Variants in ACSL3 observed in about 807,000 individuals in gnomAD.
ACSL3 encodes acyl-CoA synthetase long chain family member 3.
Under a neutral mutation model 84.7 loss-of-function variants are expected in ACSL3, and 34 were observed. The observed-to-expected ratio is 0.40, with a 90% CI of 0.31 to 0.53. The LOEUF (loss-of-function observed/expected upper bound fraction) is 0.53. ACSL3 is among the 20% of genes least tolerant of loss of function. ACSL3 has a pLI of 0.48. For synonymous variants in ACSL3, 315 were observed against 299.4 expected, an observed-to-expected ratio of 1.05 and a Z score of -0.54; for missense variants, 680 against 873.1, an observed-to-expected ratio of 0.78 and a Z score of 2.79.
intron 1 of ACSL3, among the ~76,000 whole-genome samples, chr2:222,863,753 C>T (rs1016904176): frequency 2.0e-5 from 3 of 151,984 alleles, no homozygotes; most frequent in African/African-American, 7.3e-5. Context: ...TTTTTGATGG[C>T]TGGATTGGGA....
intron 13 of ACSL3, 92 bp downstream of exon 13, chr2:222,929,028 C>A: frequency 1.0e-6 from 1 of 971,198 alleles, no homozygotes; most frequent in Non-Finnish European, 1.6e-6. Flanking sequence ...ATGTAAACAC[C>A]CATAAGTGCT....
At chr2:222,907,885 A>C (rs774253087) in intron 3 of ACSL3, among the ~76,000 whole-genome samples, 14 of 152,018 alleles carry the variant, frequency 9.2e-5, no homozygotes, top group Non-Finnish European at 1.9e-4. Flanking sequence ...CTCTGTTCAG[A>C]TATCACTTAG....
chr2:222,921,138 T>A (rs1272176759), intron 7 of ACSL3, 142 bp from the exon 8 acceptor site: 1 of 898,822 alleles, frequency 1.1e-6, no homozygotes, highest in Non-Finnish European at 1.8e-6. Context: ...GTTTTGTTGA[T>A]CTCAGTATAA....
chr2:222,915,257 G>A (rs1696547183), intron 4 of ACSL3, among the ~76,000 whole-genome samples: 1 of 150,440 alleles, frequency 6.6e-6, no homozygotes, highest in Non-Finnish European at 1.5e-5. Context: ...TTTGGGACCA[G>A]TAAAGTAAAT....
chr2:222,933,367 A>G, intron 15 of ACSL3, 87 bp downstream of exon 15: 1 of 916,350 alleles, frequency 1.1e-6, no homozygotes, highest in Non-Finnish European at 1.6e-6. Context: ...CTTTGTAAAA[A>G]TGTTCCGAGA....
intron 13 of ACSL3, 118 bp downstream of exon 13, chr2:222,929,054 T>C (rs756240244): frequency 1.4e-6 from 1 of 714,706 alleles, no homozygotes; most frequent in Non-Finnish European, 2.4e-6. Context: ...TTGTCCTTTG[T>C]GATAGACGTG....
chr2:222,915,626 G>C (rs1217255063), intron 4 of ACSL3, among the ~76,000 whole-genome samples: 1 of 152,180 alleles, frequency 6.6e-6, no homozygotes, highest in East Asian at 1.9e-4. Context: ...TTTTACTAAT[G>C]CATATTTGGT....
In ACSL3 at chr2:222,892,179, A is replaced by G. The variant is rs957988324; in HGVS notation, c.-148+4291A>G. ...AAAATTCTTTGTCTTTACTAAATAC[A>G]TAAGAACCACTGTATTACACATAAT... On this transcript the variant is annotated intron_variant, in intron 2 of 16. Transcript: ENST00000357430. Among the ~76,000 whole-genome samples the G allele has an allele frequency of 2.6e-5, 4 of 152,330 alleles. No homozygotes were observed. The South Asian group carries it at 8.3e-4, about 32-fold the overall frequency.
At chr2:222,883,709 C>CTTTT (rs5838969) in intron 1 of ACSL3, among the ~76,000 whole-genome samples, 138,746 of 151,942 alleles carry the variant, frequency 0.91, 63,473 homozygotes, top group East Asian at 0.98. Flanking sequence ...TTCTTTTTTT[C>CTTTT]TATTTCTGGA....
At chr2:222,911,867 A>G (rs1014373607) in intron 4 of ACSL3, among the ~76,000 whole-genome samples, 5 of 152,246 alleles carry the variant, frequency 3.3e-5, no homozygotes, top group Non-Finnish European at 7.3e-5. Context: ...ACAAAGTATG[A>G]AGTATTTGAA....
intron 1 of ACSL3, among the ~76,000 whole-genome samples, chr2:222,869,205 C>G (rs1396753026): frequency 6.6e-6 from 1 of 152,134 alleles, no homozygotes; most frequent in Non-Finnish European, 1.5e-5. Flanking sequence ...CCATTGCCAT[C>G]CATGTATGTA....
At position 222,912,532 on chromosome 2, in the gene ACSL3, G is replaced by T. The variant is rs139976853; in HGVS notation, c.378+3382G>T. Reference sequence around the variant, plus strand: ...TCAACTGGAAAAGAAAACGAATGTTGTAGCAATATTTAAAATATTTTTTGA... The same window carrying T: ...TCAACTGGAAAAGAAAACGAATGTTTTAGCAATATTTAAAATATTTTTTGA... On this transcript the variant is annotated intron_variant, in intron 4 of 16. Coordinates refer to ENST00000357430, the MANE Select transcript of ACSL3 (RefSeq NM_004457.5). Among the ~76,000 whole-genome samples, 1,168 of 152,328 alleles carry T rather than the reference G, an allele frequency of 7.7e-3. 18 individuals are homozygous for T. Among genetic ancestry groups the T allele is most frequent in the Middle Eastern group, 0.027 (8 of 294 alleles).
At chr2:222,866,208 T>A (rs12471915) in intron 1 of ACSL3, among the ~76,000 whole-genome samples, 2 of 151,848 alleles carry the variant, frequency 1.3e-5, no homozygotes, top group Admixed American at 6.6e-5. Flanking sequence ...TGCAGTGGCA[T>A]GATCTCGGCT....
At chr2:222,934,712 T>G in intron 16 of ACSL3, 25 bp downstream of exon 16, 1 of 1,599,104 alleles carries the variant, frequency 6.3e-7, no homozygotes, top group Non-Finnish European at 8.5e-7. Context: ...AAACTGATAC[T>G]AAAAACTGAG....
chr2:222,910,942 T>G (rs1479440078), intron 4 of ACSL3, among the ~76,000 whole-genome samples: 1 of 152,240 alleles, frequency 6.6e-6, no homozygotes, highest in Non-Finnish European at 1.5e-5. Context: ...AAATCATGAG[T>G]TAAGCATGTT....
At chr2:222,913,851 A>AT (rs1696504759) in intron 4 of ACSL3, among the ~76,000 whole-genome samples, 1 of 152,144 alleles carries the variant, frequency 6.6e-6, no homozygotes. Context: ...TAAAATAGGG[A>AT]TAATAATAGT....
intron 1 of ACSL3, among the ~76,000 whole-genome samples, chr2:222,886,922 C>G (rs568341657): frequency 1.3e-5 from 2 of 152,172 alleles, no homozygotes; most frequent in African/African-American, 2.4e-5. Flanking sequence ...TACATTGACA[C>G]ATCGTTATCA....
intron 11 of ACSL3, among the ~76,000 whole-genome samples, 167 bp downstream of exon 11, chr2:222,924,762 G>A (rs1165883411): frequency 6.6e-6 from 1 of 152,120 alleles, no homozygotes; most frequent in Non-Finnish European, 1.5e-5. Flanking sequence ...GGTGGCTCAT[G>A]CCTGTAATCC....
chr2:222,921,076 T>C (rs1696721912), intron 7 of ACSL3: 2 of 676,276 alleles, frequency 3.0e-6, no homozygotes, highest in African/African-American at 3.6e-5. Flanking sequence ...TAGGTTAATC[T>C]GTTTGTATAT....
Sources: allele counts gnomAD v4.1 joint callset (sites outside exome capture counted in the v4.1 genomes callset), GRCh38; gene constraint gnomAD v4.1.1; transcripts MANE v1.5; gene names NCBI Gene and HGNC (gene_info 2026-07-23, HGNC 2026-07-21).